The following UNC13C variants were observed in gnomAD, a reference collection of about 807,000 sequenced individuals.
UNC13C encodes unc-13 homolog C.
Under a neutral mutation model 245.4 loss-of-function variants are expected in UNC13C, and 174 were observed. That is an observed-to-expected ratio of 0.71 (90% CI 0.63 to 0.80). The LOEUF is 0.80. UNC13C is among the 30% of genes least tolerant of loss of function. UNC13C has a pLI of 0.00. For synonymous variants in UNC13C, 992 were observed against 895.1 expected (o/e 1.11, Z -1.93); for missense variants, 2,829 against 2,602.9 (o/e 1.09, Z -1.89).
chr15:54,373,171 A>C (rs1046521416), intron 17 of UNC13C, among the ~76,000 whole-genome samples: 1 of 152,200 alleles, frequency 6.6e-6, no homozygotes, highest in African/African-American at 2.4e-5. Flanking sequence ...TCAGCTCTTC[A>C]CTGGAAATTA....
chr15:54,505,678 T>C (rs1045252195), intron 22 of UNC13C, among the ~76,000 whole-genome samples: 4 of 151,672 alleles, frequency 2.6e-5, no homozygotes, highest in Middle Eastern at 3.5e-3. Context: ...TGTACATTAG[T>C]AAAGATGGGA....
At chr15:53,846,587 G>A in the UNC13C span, among the ~76,000 whole-genome samples, 1 of 152,056 alleles carries the variant, frequency 6.6e-6, no homozygotes, top group Non-Finnish European at 1.5e-5. Flanking sequence ...AATTTTTGTA[G>A]GCTACTCATA....
chr15:54,159,378 T>A (rs2032882371), intron 4 of UNC13C, among the ~76,000 whole-genome samples: 1 of 152,210 alleles, frequency 6.6e-6, no homozygotes, highest in African/African-American at 2.4e-5. Flanking sequence ...ACTATACCAT[T>A]TCATTCAAAA....
At chr15:54,345,217 C>T (rs916349627) in intron 17 of UNC13C, among the ~76,000 whole-genome samples, 1 of 152,084 alleles carries the variant, frequency 6.6e-6, no homozygotes, top group Non-Finnish European at 1.5e-5. Flanking sequence ...TAGGACAGTG[C>T]CGAGTAGGTG....
At chr15:54,124,625 T>C (rs946541995) in intron 2 of UNC13C, among the ~76,000 whole-genome samples, 2 of 147,758 alleles carry the variant, frequency 1.4e-5, no homozygotes, top group African/African-American at 5.0e-5. Flanking sequence ...GAACAATTTT[T>C]TAAATGTTGA....
At chr15:54,505,982 G>A (rs1356477355) in intron 22 of UNC13C, among the ~76,000 whole-genome samples, 3 of 152,072 alleles carry the variant, frequency 2.0e-5, no homozygotes, top group African/African-American at 4.8e-5. Flanking sequence ...AAGAATTATC[G>A]TAAAGGGTAT....
At chr15:53,960,876 T>A in the UNC13C span, among the ~76,000 whole-genome samples, 1 of 152,234 alleles carries the variant, frequency 6.6e-6, no homozygotes, top group Non-Finnish European at 1.5e-5. Context: ...TTCCTGATTT[T>A]ATATATCACA....
chr15:54,404,041 C>G (rs2040242322), intron 18 of UNC13C, among the ~76,000 whole-genome samples: 1 of 152,064 alleles, frequency 6.6e-6, no homozygotes, highest in South Asian at 2.1e-4. Context: ...GTTAATTGCA[C>G]TAAATACATG....
At chr15:54,385,393 T>C (rs1369600327) in intron 17 of UNC13C, among the ~76,000 whole-genome samples, 5 of 150,906 alleles carry the variant, frequency 3.3e-5, no homozygotes, top group Admixed American at 3.3e-4. Context: ...TCATTTTCAG[T>C]CACATGGGTG....
At chr15:54,228,509 G>A (rs899832471) in intron 4 of UNC13C, among the ~76,000 whole-genome samples, 8 of 152,128 alleles carry the variant, frequency 5.3e-5, no homozygotes, top group African/African-American at 7.2e-5. Flanking sequence ...GGCCCATGGC[G>A]AGTACTACCT....
chr15:54,581,215 G>T (rs139054140), intron 30 of UNC13C, among the ~76,000 whole-genome samples: 6 of 152,214 alleles, frequency 3.9e-5, no homozygotes, highest in African/African-American at 1.4e-4. Flanking sequence ...GAAGATGTGG[G>T]TCTCAAGTAA....
rs2039991694 is a variant in UNC13C at position 54,393,029 on chromosome 15, T to G, written c.4714-19T>G. On this transcript the variant is annotated intron_variant, in intron 17 of 32. Transcript: ENST00000260323. ...CCATTTAACCTTTTCTTTTGCATGT[T>G]GCGTGAACTTGTGAGCAGAGTAAGA... is the stretch of plus-strand genomic sequence containing the variant. 6.4e-7 allele frequency: 1 copy of G among 1,566,714 alleles called. No homozygotes were observed.
intron 19 of UNC13C, among the ~76,000 whole-genome samples, chr15:54,455,236 T>TATATATATA (rs1891444035): frequency 8.7e-6 from 1 of 115,114 alleles, no homozygotes. Flanking sequence ...TATATATATA[T>TATATATATA]ATGTTTTTTA....
intron 19 of UNC13C, among the ~76,000 whole-genome samples, chr15:54,425,311 T>C (rs771826978): frequency 2.0e-5 from 3 of 151,492 alleles, no homozygotes; most frequent in Non-Finnish European, 4.4e-5. Context: ...AGTAAAAGGA[T>C]AAAAACTGGA....
intron 18 of UNC13C, among the ~76,000 whole-genome samples, chr15:54,400,562 T>C (rs2040160643): frequency 2.0e-5 from 3 of 152,266 alleles, no homozygotes; most frequent in Non-Finnish European, 4.4e-5. Flanking sequence ...ACTGTGTGTA[T>C]TTCATACTAT....
the UNC13C span, among the ~76,000 whole-genome samples, chr15:53,966,341 A>G: frequency 6.6e-6 from 1 of 152,186 alleles, no homozygotes; most frequent in Non-Finnish European, 1.5e-5. Flanking sequence ...ACAACTATCA[A>G]TGCTGAGTGT....
At chr15:53,965,948 T>G in the UNC13C span, among the ~76,000 whole-genome samples, 2 of 152,204 alleles carry the variant, frequency 1.3e-5, no homozygotes, top group Non-Finnish European at 2.9e-5. Context: ...TGCCACATTT[T>G]CTTAATCCAG....
intron 13 of UNC13C, among the ~76,000 whole-genome samples, chr15:54,319,225 G>A (rs16974503): frequency 0.11 from 16,506 of 148,642 alleles, 1,242 homozygotes; most frequent in African/African-American, 0.22. Context: ...ACCATTTTAG[G>A]CATTACATTT....
At chr15:54,460,153 T>A (rs1011420436) in intron 19 of UNC13C, among the ~76,000 whole-genome samples, 1 of 152,190 alleles carries the variant, frequency 6.6e-6, no homozygotes, top group Non-Finnish European at 1.5e-5. Flanking sequence ...CGAGTGATTG[T>A]TATTGCCCTT....
Sources: gnomAD v4.1 joint callset for allele counts (sites outside exome capture counted in the v4.1 genomes callset) on GRCh38, gnomAD v4.1.1 for gene constraint, MANE v1.5 for transcripts, NCBI Gene and HGNC (gene_info 2026-07-23, HGNC 2026-07-21) for gene names.